CACNA2D1: variants seen among roughly 807,000 people sequenced by gnomAD.
The protein encoded by CACNA2D1 is calcium voltage-gated channel auxiliary subunit alpha2delta 1, also known as voltage-dependent calcium channel subunit alpha-2/delta-1.
CACNA2D1 carries 53 observed loss-of-function variants against 171.5 expected under a neutral mutation model. The observed-to-expected ratio is 0.31, with a 90% CI of 0.25 to 0.39. The LOEUF (loss-of-function observed/expected upper bound fraction) is 0.39, where lower values mean the gene tolerates loss of function less well. CACNA2D1 is among the 10% of genes least tolerant of loss of function. The pLI is 1.00. For missense variants in CACNA2D1, 903 were observed against 1,299.8 expected (o/e 0.69, Z 4.69); for synonymous variants, 442 against 443.1 (o/e 1.00, Z 0.03).
chr7:82,018,819 A>T (rs377009171), intron 12 of CACNA2D1, among the ~76,000 whole-genome samples: 1 of 151,860 alleles, frequency 6.6e-6, no homozygotes, highest in African/African-American at 2.4e-5. Context: ...CCCCATCTCT[A>T]CTAAAAATAC....
At chr7:82,241,205 C>A (rs980420576) in intron 3 of CACNA2D1, among the ~76,000 whole-genome samples, 1 of 152,220 alleles carries the variant, frequency 6.6e-6, no homozygotes, top group South Asian at 2.1e-4. Context: ...GTAGTTATGA[C>A]CCTGATTACG....
intron 6 of CACNA2D1, among the ~76,000 whole-genome samples, chr7:82,107,973 G>C (rs1333655000): frequency 6.6e-6 from 1 of 152,142 alleles, no homozygotes; most frequent in African/African-American, 2.4e-5. Flanking sequence ...CTCCAGGAAA[G>C]TCATCCTTAT....
intron 3 of CACNA2D1, among the ~76,000 whole-genome samples, chr7:82,269,503 C>G (rs1808345050): frequency 6.6e-6 from 1 of 152,106 alleles, no homozygotes; most frequent in Non-Finnish European, 1.5e-5. Context: ...ATTCTCTTTA[C>G]CTAAGGAGTC....
intron 23 of CACNA2D1, 121 bp downstream of exon 23, chr7:81,983,193 T>G: frequency 2.4e-6 from 2 of 826,378 alleles, no homozygotes; most frequent in South Asian, 3.1e-5. Flanking sequence ...TTTTGAGTGA[T>G]CATGAAGGAA....
intron 6 of CACNA2D1, among the ~76,000 whole-genome samples, chr7:82,099,495 G>A (rs1812395370): frequency 2.3e-5 from 1 of 43,456 alleles, no homozygotes; most frequent in Admixed American, 3.3e-4. Context: ...TGTCGCCCAG[G>A]CTGGAGTGCA....
At chr7:82,282,015 G>T (rs541939639) in intron 3 of CACNA2D1, among the ~76,000 whole-genome samples, 33 of 152,266 alleles carry the variant, frequency 2.2e-4, no homozygotes, top group African/African-American at 6.7e-4. Context: ...CTAATCTGTT[G>T]GCCAGGCACA....
Position 82,117,052 on chromosome 7 carries a change from T to C in CACNA2D1, c.518A>G (p.Tyr173Cys). 1 of 1,613,770 alleles carries C rather than the reference T, an allele frequency of 6.2e-7. No homozygotes were observed. ...HAAVHIPTDI[Y>C]EGSTIVLNEL... Reference sequence around the variant, plus strand: ...AACATTCTTTTACTTACAGCCCTCATAGATGTCAGTAGGAATATGGACTGC... The same window carrying C: ...AACATTCTTTTACTTACAGCCCTCACAGATGTCAGTAGGAATATGGACTGC... Residue 173 changes from tyrosine to cysteine, a missense_variant, in exon 6 of 39, where the codon TAT becomes TGT. Physicochemically the swap from Tyr to Cys is radical, Grantham distance 194. This residue lies in a region of CACNA2D1 where 189 missense variants were observed against 266.8 expected (regional missense o/e 0.71). Transcript: ENST00000356860.
In CACNA2D1 at chr7:82,084,912, G is replaced by A. The variant is rs751272380; in HGVS notation, c.527-12C>T. On this transcript the variant is annotated splice_polypyrimidine_tract_variant and intron_variant, in intron 6 of 38. Transcript: ENST00000356860. ...TAACACAATTGTTGCTAACAAAAAAGAGAGAAACCATTAATTAATTCAAAT... is the reference window on the plus strand; with the variant it reads ...TAACACAATTGTTGCTAACAAAAAAAAGAGAAACCATTAATTAATTCAAAT... 3 of 1,604,904 alleles carry A rather than the reference G, an allele frequency of 1.9e-6. No homozygotes were observed. Among genetic ancestry groups the A allele is most frequent in the East Asian group, 4.5e-5 (2 of 44,810 alleles).
intron 4 of CACNA2D1, among the ~76,000 whole-genome samples, chr7:82,160,502 T>G (rs1794837974): frequency 6.6e-6 from 1 of 152,056 alleles, no homozygotes; most frequent in Non-Finnish European, 1.5e-5. Flanking sequence ...AAGTAATAAT[T>G]TAATAAGATT....
At chr7:82,240,067 A>G (rs1804069978) in intron 3 of CACNA2D1, among the ~76,000 whole-genome samples, 1 of 152,204 alleles carries the variant, frequency 6.6e-6, no homozygotes, top group South Asian at 2.1e-4. Context: ...ATTGTGCAAA[A>G]GAACAGTTAT....
chr7:82,359,887 T>A (rs1161211556), intron 1 of CACNA2D1, among the ~76,000 whole-genome samples: 9 of 152,230 alleles, frequency 5.9e-5, no homozygotes, highest in Non-Finnish European at 1.3e-4. Context: ...CACCTATATG[T>A]CAGGAACTGT....
At chr7:82,117,273 A>G in intron 5 of CACNA2D1, 100 bp from the exon 6 acceptor site, 2 of 1,163,896 alleles carry the variant, frequency 1.7e-6, no homozygotes, top group Non-Finnish European at 2.5e-6. Context: ...TTCAAAAAAT[A>G]AATCTACAAC....
At chr7:82,297,797 A>G (rs1812483220) in intron 3 of CACNA2D1, among the ~76,000 whole-genome samples, 1 of 152,156 alleles carries the variant, frequency 6.6e-6, no homozygotes, top group African/African-American at 2.4e-5. Context: ...TTTACTATAA[A>G]ACAAAACGAC....
At chr7:82,401,511 T>A (rs1370530772) in intron 1 of CACNA2D1, among the ~76,000 whole-genome samples, 5 of 138,378 alleles carry the variant, frequency 3.6e-5, no homozygotes, top group East Asian at 4.5e-4. Context: ...AACAATGAGA[T>A]CACATGGACA....
intron 6 of CACNA2D1, among the ~76,000 whole-genome samples, chr7:82,113,135 T>C (rs1282490876): frequency 6.6e-6 from 1 of 152,102 alleles, no homozygotes; most frequent in Non-Finnish European, 1.5e-5. Flanking sequence ...CCCTGAAAGC[T>C]TTATGCAAGT....
intron 3 of CACNA2D1, among the ~76,000 whole-genome samples, chr7:82,226,712 C>T (rs545982115): frequency 6.6e-6 from 1 of 152,244 alleles, no homozygotes; most frequent in East Asian, 1.9e-4. Flanking sequence ...ACTATGAGAT[C>T]AGAAGAGATT....
chr7:82,369,218 G>A lies in CACNA2D1; in HGVS notation c.96-19569C>T, dbSNP rs371610742. ...CTCTCCATTAAACTTTAAGCTTCCT[G>A]CAGACAGTGACAGTGACTAATGCTT... On this transcript the variant is annotated intron_variant, in intron 1 of 38. Transcript: ENST00000356860. Among the ~76,000 whole-genome samples the A allele has an allele frequency of 3.4e-4, 52 of 152,124 alleles. No individual in the cohort carries two copies. The East Asian group carries it at 5.4e-3, about 16-fold the overall frequency.
At chr7:82,123,957 A>T (rs928464427) in intron 5 of CACNA2D1, among the ~76,000 whole-genome samples, 2 of 152,034 alleles carry the variant, frequency 1.3e-5, no homozygotes, top group African/African-American at 4.8e-5. Flanking sequence ...ATATGTATAT[A>T]TAATATATGC....
At chr7:82,058,614 A>G (rs1806231003) in intron 10 of CACNA2D1, among the ~76,000 whole-genome samples, 1 of 152,160 alleles carries the variant, frequency 6.6e-6, no homozygotes. Context: ...TCAGACTTAA[A>G]TGAATCAGAG....
Sources: gnomAD v4.1 joint callset for allele counts (sites outside exome capture counted in the v4.1 genomes callset) on GRCh38, gnomAD v4.1.1 for gene constraint, gnomAD v4.1.1 regional missense constraint, MANE v1.5 for transcripts, NCBI Gene and HGNC (gene_info 2026-07-23, HGNC 2026-07-21) for gene names.